Variants in ASH1L observed in about 807,000 individuals in gnomAD.
ASH1L encodes histone-lysine N-methyltransferase ASH1L.
Under a neutral mutation model 269.0 loss-of-function variants are expected in ASH1L, and 23 were observed. That is an observed-to-expected ratio of 0.09 (90% CI 0.06 to 0.12). The LOEUF (loss-of-function observed/expected upper bound fraction) is 0.12, where lower values mean the gene tolerates loss of function less well. Among genes scored for constraint, ASH1L ranks in the 10% least tolerant of loss-of-function variants. ASH1L has a pLI of 1.00. For missense variants in ASH1L, 2,912 were observed against 3,567.8 expected, an observed-to-expected ratio of 0.82 and a Z score of 4.68; for synonymous variants, 1,187 against 1,253.5, an observed-to-expected ratio of 0.95 and a Z score of 1.12.
chr1:155,410,832 C>G (rs1192890856), intron 6 of ASH1L, among the ~76,000 whole-genome samples: 1 of 143,344 alleles, frequency 7.0e-6, no homozygotes, highest in Non-Finnish European at 1.5e-5. Flanking sequence ...TCTTGAACTC[C>G]TGGGCTCAAG....
In ASH1L at chr1:155,354,599, C is replaced by T; in HGVS notation, c.7087G>A (p.Val2363Ile). 6.2e-7 allele frequency: 1 copy of T among 1,613,354 alleles called. No homozygotes were observed. The highest frequency in any genetic ancestry group is 1.3e-5 in the African/African-American group (1 of 74,932). The change falls in exon 16 of 28, where the codon GTC becomes ATC. Residue 2363 changes from valine to isoleucine, a missense_variant. Around this residue, in one of 13 missense-constraint regions of ASH1L, gnomAD observed 309 missense variants for 435.1 expected, o/e 0.71. Transcript: ENST00000392403. ...NFVLKHHVFL[V>I]RNWEKIRQKQ... ...TGACGAATCTTCTCCCAGTTTCGGA[C>T]CAAGAATACATGATGCTTTAACACA... is the stretch of plus-strand genomic sequence containing the variant.
At chr1:155,345,954 C>A in intron 21 of ASH1L, 1 of 349,080 alleles carries the variant, frequency 2.9e-6, no homozygotes. Flanking sequence ...GCCTCAGCCA[C>A]CCAAGTACCT....
intron 7 of ASH1L, among the ~76,000 whole-genome samples, chr1:155,385,583 G>A (rs1657358517): frequency 6.6e-6 from 1 of 152,140 alleles, no homozygotes; most frequent in Non-Finnish European, 1.5e-5. Context: ...TAATTCTAAT[G>A]TCTTGGTGTG....
intron 4 of ASH1L, among the ~76,000 whole-genome samples, chr1:155,459,265 C>T (rs1285658722): frequency 4.6e-5 from 7 of 152,044 alleles, no homozygotes; most frequent in East Asian, 3.9e-4. Context: ...GAGTGATCTC[C>T]GCTCACTGCA....
At chr1:155,522,095 G>A (rs865830752) in intron 1 of ASH1L, among the ~76,000 whole-genome samples, 7 of 151,944 alleles carry the variant, frequency 4.6e-5, no homozygotes, top group African/African-American at 1.5e-4. Context: ...AACATATCAC[G>A]TTCACCCCAT....
At chr1:155,492,354 T>C (rs888351187) in intron 2 of ASH1L, among the ~76,000 whole-genome samples, 2 of 152,224 alleles carry the variant, frequency 1.3e-5, no homozygotes, top group Non-Finnish European at 2.9e-5. Flanking sequence ...TGTTTTCTTA[T>C]ACTTGGAAAA....
intron 25 of ASH1L, among the ~76,000 whole-genome samples, chr1:155,340,650 C>A (rs946375597): frequency 6.6e-6 from 1 of 152,028 alleles, no homozygotes; most frequent in Non-Finnish European, 1.5e-5. Context: ...ATAATTGGCA[C>A]ACGGTTCTCA....
At chr1:155,438,239 A>G in intron 5 of ASH1L, 88 bp downstream of exon 5, 1 of 1,324,412 alleles carries the variant, frequency 7.6e-7, no homozygotes, top group Non-Finnish European at 1.0e-6. Context: ...GAAAGGTTAT[A>G]AGATGAAATA....
At chr1:155,427,157 CAG>C (rs774754560) in intron 5 of ASH1L, among the ~76,000 whole-genome samples, 185 of 127,310 alleles carry the variant, frequency 1.5e-3, no homozygotes, top group Non-Finnish European at 2.5e-3. Flanking sequence ...TTTTTTGAGA[CAG>C]AGTCTCGCTC....
Position 155,452,199 on chromosome 1 carries a change from T to G in ASH1L, c.5086+7598A>C, listed in dbSNP as rs552201218. On this transcript the variant is annotated intron_variant, in intron 4 of 27. Transcript: ENST00000392403. ...GATTACAGGCGCCCGCCATCATACC[T>G]GGCTAGTTTTTGTATTTTTAGTAGA... Among the ~76,000 whole-genome samples the G allele has an allele frequency of 7.2e-4, 110 of 151,732 alleles. 3 individuals carry two copies. In the South Asian group the frequency reaches 0.022, roughly 30 times the overall value.
At chr1:155,354,316 G>A (rs1360975877) in intron 16 of ASH1L, among the ~76,000 whole-genome samples, 157 bp downstream of exon 16, 11 of 152,106 alleles carry the variant, frequency 7.2e-5, no homozygotes, top group East Asian at 3.9e-4. Context: ...GGTGGCGGGC[G>A]CCTGTAATCC....
intron 12 of ASH1L, among the ~76,000 whole-genome samples, chr1:155,362,349 A>C (rs1248605366): frequency 1.3e-5 from 2 of 151,806 alleles, no homozygotes; most frequent in Non-Finnish European, 2.9e-5. Flanking sequence ...TTAGGTGTTC[A>C]GGAGTTTGTG....
At chr1:155,428,076 G>C (rs572482477) in intron 5 of ASH1L, among the ~76,000 whole-genome samples, 1 of 152,088 alleles carries the variant, frequency 6.6e-6, no homozygotes, top group East Asian at 1.9e-4. Flanking sequence ...GACCATGAAC[G>C]AATTAAACCT....
chr1:155,438,615 T>G lies in ASH1L; in HGVS notation c.5540A>C (p.Lys1847Thr). Residue 1847 changes from lysine to threonine, a missense_variant, in exon 5 of 28, where the codon AAA becomes ACA. Around this residue, in one of 13 missense-constraint regions of ASH1L, gnomAD observed 789 missense variants for 897.6 expected, o/e 0.88. Transcript: ENST00000392403. ...RQARTGNNFV[K>T]RRPGRPRKCP... ...TTTCCGAGGTCGACCTGGCCTACGT[T>G]TCACAAAGTTATTCCCTGTCCTGGC... The G allele has an allele frequency of 6.2e-7, 1 of 1,614,220 alleles. No homozygotes were observed. Among genetic ancestry groups the G allele is most frequent in the African/African-American group, 1.3e-5 (1 of 75,054 alleles).
intron 10 of ASH1L, 25 bp downstream of exon 10, chr1:155,378,256 T>C (rs760055197): frequency 1.9e-6 from 3 of 1,576,368 alleles, no homozygotes; most frequent in Non-Finnish European, 1.7e-6. Flanking sequence ...GCCTATGCTT[T>C]AGAGAAATCA....
At chr1:155,403,033 A>C (rs1571115287) in intron 6 of ASH1L, among the ~76,000 whole-genome samples, 1 of 151,780 alleles carries the variant, frequency 6.6e-6, no homozygotes, top group Non-Finnish European at 1.5e-5. Flanking sequence ...AAAAATACAC[A>C]AATTAGCCAG....
intron 4 of ASH1L, among the ~76,000 whole-genome samples, chr1:155,448,330 T>C (rs1051184915): frequency 9.2e-5 from 14 of 152,042 alleles, no homozygotes; most frequent in African/African-American, 3.4e-4. Flanking sequence ...GGTTAATTTT[T>C]ATTTTTCTTT....
Position 155,562,378 on chromosome 1 carries a change from A to T in ASH1L, c.-325T>A. 6.6e-7 allele frequency: 1 copy of T among 1,508,608 alleles called. No homozygotes were observed. Among genetic ancestry groups the T allele is most frequent in the South Asian group, 1.2e-5 (1 of 84,644 alleles). 93.5% of individuals were successfully genotyped at this position (1,508,608 alleles called of 1,614,324 possible). A position where few individuals can be genotyped will look rare whatever the true frequency, so the allele number is the denominator to read the frequency against. On this transcript the variant is annotated 5_prime_UTR_variant, in exon 1 of 28. Coordinates refer to ENST00000392403, the MANE Select transcript of ASH1L (RefSeq NM_018489.3). ...AGGGGAGGCGGGTCCCGCAACCGAG[A>T]CTGGGATCGTCTCCCCTCCGCAAAG...
intron 13 of ASH1L, among the ~76,000 whole-genome samples, chr1:155,358,986 G>A (rs1048355525): frequency 6.6e-6 from 1 of 152,052 alleles, no homozygotes; most frequent in Non-Finnish European, 1.5e-5. Context: ...GACGCACAGT[G>A]GTACACGCCT....
Sources: gnomAD v4.1 joint callset for allele counts (sites outside exome capture counted in the v4.1 genomes callset) on GRCh38, gnomAD v4.1.1 for gene constraint, gnomAD v4.1.1 regional missense constraint, MANE v1.5 for transcripts, NCBI Gene and HGNC (gene_info 2026-07-23, HGNC 2026-07-21) for gene names.